Variants in DDO observed in about 807,000 individuals in gnomAD.
DDO encodes D-aspartate oxidase.
In DDO, 16 loss-of-function variants were observed where a neutral mutation model predicts 16.8. That is an observed-to-expected ratio of 0.95 (90% CI 0.65 to 1.45). The LOEUF is 1.45. Among genes scored for constraint, DDO ranks in the 40% most tolerant of loss-of-function variants. DDO has a pLI of 0.00. For synonymous variants in DDO, 180 were observed against 167.2 expected (o/e 1.08, Z -0.59); for missense variants, 429 against 420.3 (o/e 1.02, Z -0.18).
chr6:110,404,508 G>T (rs1462855260), intron 4 of DDO, among the ~76,000 whole-genome samples: 3 of 152,184 alleles, frequency 2.0e-5, no homozygotes, highest in Non-Finnish European at 2.9e-5. Context: ...TTTACCTGGG[G>T]CAAGAAGGGT....
chr6:110,411,881 T>C (rs1773868049), intron 2 of DDO, among the ~76,000 whole-genome samples: 1 of 140,628 alleles, frequency 7.1e-6, no homozygotes, highest in African/African-American at 2.5e-5. Context: ...TTTTGGTTTC[T>C]ATTTAATGCT....
intron 1 of DDO, 35 bp from the exon 2 acceptor site, chr6:110,413,501 T>C: frequency 6.3e-7 from 1 of 1,591,764 alleles, no homozygotes; most frequent in Non-Finnish European, 8.6e-7. Context: ...TACCCCTTGT[T>C]TTAAGGATTT....
chr6:110,392,812 T>C lies in DDO; in HGVS notation c.989A>G (p.His330Arg). The stretch of plus-strand genomic sequence containing the variant: ...CTTGGGAATGGGGGTCCTGAGGGCA[T>C]GGACACACTCGCTCACCAGCCTGGC... ...EAARLVSECV[H>R]ALRTPIPKSN... Residue 330 changes from histidine to arginine, a missense_variant, in exon 5 of 5, where the codon CAT (histidine) becomes CGT (arginine). Coordinates refer to ENST00000368924, the MANE Select transcript of DDO (RefSeq NM_001372108.2). 1 of 1,599,474 alleles carries C rather than the reference T, an allele frequency of 6.3e-7. No homozygotes were observed. The highest frequency in any genetic ancestry group is 8.5e-7 in the Non-Finnish European group (1 of 1,171,906).
chr6:110,390,017 G>C (rs1350421356), downstream of DDO, among the ~76,000 whole-genome samples: 2 of 152,228 alleles, frequency 1.3e-5, no homozygotes, highest in Non-Finnish European at 2.9e-5. Flanking sequence ...ACAGATAGCT[G>C]TCTTGGAGCA....
chr6:110,400,470 G>A (rs1044523487), intron 4 of DDO, among the ~76,000 whole-genome samples: 1 of 152,166 alleles, frequency 6.6e-6, no homozygotes, highest in African/African-American at 2.4e-5. Flanking sequence ...CCTCAGAGGA[G>A]GTGACTGTGT....
At chr6:110,404,121 G>T (rs1248108303) in intron 4 of DDO, among the ~76,000 whole-genome samples, 1 of 152,214 alleles carries the variant, frequency 6.6e-6, no homozygotes, top group Non-Finnish European at 1.5e-5. Flanking sequence ...ACTAAAGACA[G>T]ATTTACTGAT....
intron 4 of DDO, among the ~76,000 whole-genome samples, chr6:110,399,329 T>G (rs76650732): frequency 0.017 from 2,573 of 152,380 alleles, 70 homozygotes; most frequent in African/African-American, 0.06. Context: ...GCTGTGTGGC[T>G]TGCTGAGCAA....
chr6:110,414,526 G>A (rs557021686), intron 1 of DDO, among the ~76,000 whole-genome samples: 1 of 152,362 alleles, frequency 6.6e-6, no homozygotes, highest in Admixed American at 6.5e-5. Flanking sequence ...CAGGTGTCCT[G>A]AGGCTGGCAC....
intron 2 of DDO, among the ~76,000 whole-genome samples, chr6:110,409,158 T>A (rs1464307159): frequency 6.6e-6 from 1 of 152,056 alleles, no homozygotes; most frequent in Non-Finnish European, 1.5e-5. Context: ...GCACATGGGG[T>A]TGGACCCAGA....
chr6:110,411,252 C>T (rs1306561621), intron 2 of DDO, among the ~76,000 whole-genome samples: 1 of 152,148 alleles, frequency 6.6e-6, no homozygotes, highest in African/African-American at 2.4e-5. Flanking sequence ...TGGCAACAAG[C>T]CCTGTGCAAA....
chr6:110,390,502 C>T (rs1773081049), downstream of DDO, among the ~76,000 whole-genome samples: 2 of 152,206 alleles, frequency 1.3e-5, no homozygotes, highest in Non-Finnish European at 2.9e-5. Context: ...GCAGCCACAA[C>T]CACTTTCTCA....
At chr6:110,390,831 T>C (rs950271099), downstream of DDO, among the ~76,000 whole-genome samples, 2 of 152,254 alleles carry the variant, frequency 1.3e-5, no homozygotes, top group African/African-American at 2.4e-5. Context: ...ATGATGCATA[T>C]GTGTTTCCAG....
At chr6:110,401,892 C>G (rs1179411938) in intron 4 of DDO, among the ~76,000 whole-genome samples, 3 of 152,206 alleles carry the variant, frequency 2.0e-5, no homozygotes, top group Admixed American at 6.5e-5. Flanking sequence ...GTAGAGATAA[C>G]TGGCATTCTA....
intron 4 of DDO, among the ~76,000 whole-genome samples, chr6:110,398,396 A>C (rs1257987463): frequency 1.7e-5 from 2 of 120,850 alleles, no homozygotes; most frequent in East Asian, 2.3e-4. Context: ...ACACACACAC[A>C]CACACACACA....
chr6:110,393,417 AC>A, intron 4 of DDO, 75 bp from the exon 5 acceptor site: 4 of 1,487,784 alleles, frequency 2.7e-6, no homozygotes, highest in Non-Finnish European at 3.6e-6. Flanking sequence ...AAGAAAAGGA[AC>A]CCAGGAACAA....
chr6:110,399,453 G>A (rs755527892), intron 4 of DDO, among the ~76,000 whole-genome samples: 6 of 152,228 alleles, frequency 3.9e-5, no homozygotes, highest in African/African-American at 9.6e-5. Flanking sequence ...ATTGTGTGGC[G>A]TCCCATGTGG....
At chr6:110,413,205 G>C in intron 2 of DDO, 86 bp downstream of exon 2, 2 of 1,482,840 alleles carry the variant, frequency 1.3e-6, no homozygotes, top group Non-Finnish European at 1.8e-6. Flanking sequence ...TACACCTATA[G>C]CCAGCTGTCT....
intron 2 of DDO, 103 bp from the exon 3 acceptor site, chr6:110,408,545 G>A (rs1281578000): frequency 5.0e-6 from 5 of 998,600 alleles, no homozygotes; most frequent in South Asian, 1.6e-5. Context: ...AAAATAAGGA[G>A]GCAAAAATAA....
chr6:110,401,816 C>T (rs888268724), intron 4 of DDO, among the ~76,000 whole-genome samples: 1 of 152,150 alleles, frequency 6.6e-6, no homozygotes, highest in African/African-American at 2.4e-5. Context: ...AGGATATTTA[C>T]ATAGTTTCAG....
Sources: gnomAD v4.1 joint callset for allele counts (sites outside exome capture counted in the v4.1 genomes callset) on GRCh38, gnomAD v4.1.1 for gene constraint, MANE v1.5 for transcripts, NCBI Gene and HGNC (gene_info 2026-07-23, HGNC 2026-07-21) for gene names.